The following CNTLN variants were observed in gnomAD, a reference collection of about 807,000 sequenced individuals.
CNTLN encodes the protein centlein.
A neutral mutation model predicts 180.0 loss-of-function variants in CNTLN; 212 were observed. The observed-to-expected ratio is 1.18, with a 90% CI of 1.05 to 1.32. The LOEUF (loss-of-function observed/expected upper bound fraction) is 1.32, where lower values mean the gene tolerates loss of function less well. Among genes scored for constraint, CNTLN ranks in the 40% most tolerant of loss-of-function variants. The probability of loss-of-function intolerance (pLI) is 0.00; values close to 1 mark genes in which losing one functional copy is unlikely to be tolerated. For missense variants in CNTLN, 2,095 were observed against 1,610.9 expected (o/e 1.30, Z -5.14); for synonymous variants, 722 against 563.1 (o/e 1.28, Z -3.99).
chr9:17,482,686 C>T (rs1249858312), intron 23 of CNTLN, among the ~76,000 whole-genome samples: 2 of 152,050 alleles, frequency 1.3e-5, no homozygotes, highest in Non-Finnish European at 1.5e-5. Context: ...TTGCTTTACC[C>T]AATGTTAAAA....
chr9:17,278,782 A>G (rs1437077484), intron 6 of CNTLN, among the ~76,000 whole-genome samples: 1 of 152,186 alleles, frequency 6.6e-6, no homozygotes, highest in Non-Finnish European at 1.5e-5. Context: ...ACGTTAGACT[A>G]AAAATGCATC....
intron 23 of CNTLN, among the ~76,000 whole-genome samples, chr9:17,479,586 A>T (rs886873063): frequency 6.6e-6 from 1 of 152,214 alleles, no homozygotes; most frequent in African/African-American, 2.4e-5. Context: ...TTCAAGCAAG[A>T]TGAATAAGCT....
chr9:17,342,351 C>A lies in CNTLN; in HGVS notation c.1793C>A (p.Ala598Glu). The A allele has an allele frequency of 6.2e-7, 1 of 1,612,114 alleles. No individual in the cohort carries two copies. The highest frequency in any genetic ancestry group is 8.5e-7 in the Non-Finnish European group (1 of 1,179,152). The change falls in exon 12 of 26, where the codon GCA (alanine) becomes GAA (glutamate). Residue 598 changes from alanine (A) to glutamate (E), a missense_variant. Transcript: ENST00000380647. The stretch of plus-strand genomic sequence containing the variant: ...ACTGAAATCAGGAAAATAAAGAGAG[C>A]AGATCCCCAACAACTTCGACAAGAA... Reference protein sequence around the residue: ...GMTEIRKIKRADPQQLRQEDS... With the variant: ...GMTEIRKIKREDPQQLRQEDS...
chr9:17,178,923 G>T (rs1212427090), intron 2 of CNTLN, among the ~76,000 whole-genome samples: 1 of 152,274 alleles, frequency 6.6e-6, no homozygotes, highest in Admixed American at 6.5e-5. Flanking sequence ...GGCTGTGAGA[G>T]CTGCCAGCAC....
At chr9:17,422,642 C>A (rs1002088533) in intron 18 of CNTLN, among the ~76,000 whole-genome samples, 3 of 152,082 alleles carry the variant, frequency 2.0e-5, no homozygotes, top group Non-Finnish European at 2.9e-5. Context: ...CATTGAGCTT[C>A]CTTAAAACAG....
chr9:17,211,384 C>T (rs1216606548), intron 2 of CNTLN, among the ~76,000 whole-genome samples: 1 of 152,082 alleles, frequency 6.6e-6, no homozygotes, highest in Non-Finnish European at 1.5e-5. Flanking sequence ...GGTATTATTT[C>T]TGAGGGCTCT....
intron 3 of CNTLN, among the ~76,000 whole-genome samples, chr9:17,230,344 G>A (rs1587258422): frequency 6.6e-6 from 1 of 152,098 alleles, no homozygotes; most frequent in Non-Finnish European, 1.5e-5. Flanking sequence ...GCTTTGTTTG[G>A]TCAAACCTAT....
chr9:17,496,914 T>C (rs1423396992), intron 25 of CNTLN, among the ~76,000 whole-genome samples: 1 of 152,144 alleles, frequency 6.6e-6, no homozygotes, highest in Non-Finnish European at 1.5e-5. Flanking sequence ...TGAATACCAG[T>C]ATTAAGATGT....
chr9:17,222,478 C>T (rs771039131), intron 2 of CNTLN, among the ~76,000 whole-genome samples: 3 of 151,936 alleles, frequency 2.0e-5, no homozygotes, highest in Non-Finnish European at 2.9e-5. Flanking sequence ...AGTGAAATAT[C>T]GTGGTATATG....
At chr9:17,189,206 T>G (rs1374995725) in intron 2 of CNTLN, among the ~76,000 whole-genome samples, 1 of 145,440 alleles carries the variant, frequency 6.9e-6, no homozygotes, top group East Asian at 2.2e-4. Flanking sequence ...CCTCAGCTTC[T>G]GGAGTAGCTG....
rs1468919600 is a variant in CNTLN at position 17,501,251 on chromosome 9, T to C, written c.4120-1300T>C. On this transcript the variant is annotated intron_variant, in intron 25 of 25. Transcript: ENST00000380647. Reference sequence around the variant, plus strand: ...CAAATATGTGAAGCTCCTGGGTTTCTAGGGAACAGACACAGACTCAGGCTA... The same window carrying C: ...CAAATATGTGAAGCTCCTGGGTTTCCAGGGAACAGACACAGACTCAGGCTA... 3.9e-5 allele frequency among the ~76,000 whole-genome samples: 6 copies of C among 152,248 alleles called. 1 individual carries two copies. The highest frequency in any genetic ancestry group is 1.4e-4 in the African/African-American group (6 of 41,462).
At chr9:17,303,556 T>A (rs1311181009) in intron 7 of CNTLN, among the ~76,000 whole-genome samples, 2 of 152,160 alleles carry the variant, frequency 1.3e-5, no homozygotes, top group Admixed American at 6.6e-5. Flanking sequence ...TAACGCTTTT[T>A]TTTTCTCCTC....
chr9:17,216,189 G>A (rs978272564), intron 2 of CNTLN, among the ~76,000 whole-genome samples: 6 of 152,116 alleles, frequency 3.9e-5, no homozygotes, highest in African/African-American at 1.4e-4. Context: ...TGACCAACTT[G>A]GAACTGTCCC....
At position 17,462,940 on chromosome 9, in the gene CNTLN, C is replaced by G. The variant is rs1315326368; in HGVS notation, c.3331C>G (p.Gln1111Glu). Residue 1111 changes from glutamine to glutamate, a missense_variant, in exon 20 of 26, where the codon CAG becomes GAG. Physicochemically the swap from Gln to Glu is conservative, Grantham distance 29. Transcript: ENST00000380647. ...LKNATNELTKQSSNVKTLKFE... is the reference protein window; with the variant it reads ...LKNATNELTKESSNVKTLKFE... ...GAATGCTACTAATGAACTCACTAAA[C>G]AGTCATCAAATGTGAAGACTTTGAA... 1 of 1,572,740 alleles carries G rather than the reference C, an allele frequency of 6.4e-7. No individual in the cohort carries two copies. Among genetic ancestry groups the G allele is most frequent in the Non-Finnish European group, 8.6e-7 (1 of 1,161,196 alleles).
In CNTLN at chr9:17,236,538, C is replaced by G. The variant is rs1458511651; in HGVS notation, c.799C>G (p.Gln267Glu). 1 of 1,613,214 alleles carries G rather than the reference C, an allele frequency of 6.2e-7. No individual in the cohort carries two copies. The highest frequency in any genetic ancestry group is 1.1e-5 in the South Asian group (1 of 91,004). ...LLNDLEKLRK[Q>E]EAHLRKEKYS... ...AAATGACCTGGAGAAATTGAGGAAG[C>G]AGGAAGCACATTTGAGAAAAGAAAA... Residue 267 changes from glutamine to glutamate, a missense_variant, in exon 5 of 26, where the codon CAG (glutamine) becomes GAG (glutamate). Coordinates refer to ENST00000380647, the MANE Select transcript of CNTLN (RefSeq NM_017738.4).
intron 1 of CNTLN, among the ~76,000 whole-genome samples, chr9:17,138,939 A>C (rs1817895942): frequency 6.6e-6 from 1 of 152,156 alleles, no homozygotes; most frequent in East Asian, 1.9e-4. Flanking sequence ...GGAAATTTAG[A>C]CCTAGTATTT....
At chr9:17,512,761 A>G in the CNTLN span, among the ~76,000 whole-genome samples, 3 of 152,326 alleles carry the variant, frequency 2.0e-5, no homozygotes, top group South Asian at 4.1e-4. Context: ...GTCTGGAGAG[A>G]GGACTGGGAG....
intron 3 of CNTLN, among the ~76,000 whole-genome samples, chr9:17,235,321 A>G (rs1825071802): frequency 6.6e-6 from 1 of 152,200 alleles, no homozygotes; most frequent in Non-Finnish European, 1.5e-5. Flanking sequence ...ATAAGGAATT[A>G]TGTTAGCTAT....
At chr9:17,341,981 C>G (rs952635569) in intron 11 of CNTLN, among the ~76,000 whole-genome samples, 1 of 152,184 alleles carries the variant, frequency 6.6e-6, no homozygotes, top group South Asian at 2.1e-4. Context: ...CAGCAAATTC[C>G]AGATGAGTTG....
Sources: gnomAD v4.1 joint callset for allele counts (sites outside exome capture counted in the v4.1 genomes callset) on GRCh38, gnomAD v4.1.1 for gene constraint, MANE v1.5 for transcripts, NCBI Gene and HGNC (gene_info 2026-07-23, HGNC 2026-07-21) for gene names.